The following BMPR1B variants were observed in gnomAD, a reference collection of about 807,000 sequenced individuals.
BMPR1B encodes the protein bone morphogenetic protein receptor type-1B.
A neutral mutation model predicts 59.1 loss-of-function variants in BMPR1B; 12 were observed. That is an observed-to-expected ratio of 0.20 (90% CI 0.13 to 0.33). BMPR1B has a LOEUF of 0.33. Among genes scored for constraint, BMPR1B ranks in the 10% least tolerant of loss-of-function variants. The pLI, the probability that BMPR1B is intolerant of heterozygous loss-of-function variation, is 1.00. For synonymous variants in BMPR1B, 237 were observed against 207.3 expected (o/e 1.14, Z -1.23); for missense variants, 550 against 610.9 (o/e 0.90, Z 1.05).
At chr4:95,126,501 C>G (rs932057829) in intron 8 of BMPR1B, among the ~76,000 whole-genome samples, 3 of 152,122 alleles carry the variant, frequency 2.0e-5, no homozygotes, top group African/African-American at 7.2e-5. Flanking sequence ...CATAGCAACC[C>G]TATAAGGTAG....
rs1430593586 is a variant in BMPR1B at position 95,071,648 on chromosome 4, G to GCATATATA, written c.-17-32760_-17-32759insCATATATA. ...TATGTGTGTTTGTGTGTGTGTGTGT[G>GCATATATA]TGTGTATATATATATATATATATAT... On this transcript the variant is annotated intron_variant, in intron 3 of 12. Coordinates refer to ENST00000515059, the MANE Select transcript of BMPR1B (RefSeq NM_001203.3). Among the ~76,000 whole-genome samples the GCATATATA allele has an allele frequency of 3.3e-3, 348 of 104,746 alleles. 4 individuals carry two copies. Among genetic ancestry groups the GCATATATA allele is most frequent in the African/African-American group, 0.013 (316 of 25,146 alleles). 68.7% of individuals were successfully genotyped at this position (104,746 alleles called of 152,430 possible). A position where few individuals can be genotyped will look rare whatever the true frequency, so the allele number is the denominator to read the frequency against.
At chr4:94,817,495 C>T (rs1724053813) in intron 1 of BMPR1B, among the ~76,000 whole-genome samples, 1 of 151,920 alleles carries the variant, frequency 6.6e-6, no homozygotes, top group South Asian at 2.1e-4. Context: ...TGGCCTTTGG[C>T]GTATTAGCCT....
At chr4:94,906,818 A>G (rs1383658446) in intron 2 of BMPR1B, among the ~76,000 whole-genome samples, 1 of 152,108 alleles carries the variant, frequency 6.6e-6, no homozygotes, top group Admixed American at 6.6e-5. Flanking sequence ...TATAGTTTTT[A>G]TAATTAGCTT....
rs563503485 is a variant in BMPR1B, at chr4:94,945,891, G to T, written c.-112-50149G>T. On this transcript the variant is annotated intron_variant, in intron 2 of 12. Transcript: ENST00000515059. ...CATACTTTTTTAAAAAATTAATACT[G>T]TGATGTGCAGAACAAACTATATACC... Among the ~76,000 whole-genome samples, 821 of 152,084 alleles carry T rather than the reference G, an allele frequency of 5.4e-3. 8 individuals carry two copies. Among genetic ancestry groups the T allele is most frequent in the African/African-American group, 0.019 (782 of 41,490 alleles).
chr4:95,068,812 G>T (rs918207085), intron 3 of BMPR1B, among the ~76,000 whole-genome samples: 5 of 152,252 alleles, frequency 3.3e-5, no homozygotes, highest in Admixed American at 1.3e-4. Flanking sequence ...CTCTATGCAA[G>T]CAGTTGTCTT....
intron 3 of BMPR1B, among the ~76,000 whole-genome samples, chr4:95,020,368 A>C (rs113848332): frequency 0.066 from 10,090 of 152,234 alleles, 379 homozygotes; most frequent in African/African-American, 0.1. Flanking sequence ...TCACGAGGTC[A>C]AAAGATCGAG....
intron 3 of BMPR1B, among the ~76,000 whole-genome samples, chr4:95,103,132 T>C (rs1730946290): frequency 6.6e-6 from 1 of 152,130 alleles, no homozygotes; most frequent in African/African-American, 2.4e-5. Flanking sequence ...AATTCTGATA[T>C]ATTGACAACA....
intron 1 of BMPR1B, among the ~76,000 whole-genome samples, chr4:94,776,585 T>C (rs1382676165): frequency 2.6e-5 from 4 of 152,220 alleles, no homozygotes; most frequent in African/African-American, 4.8e-5. Flanking sequence ...TGCGTTTTAG[T>C]TGTGGTAAGG....
At chr4:94,925,265 CCTTT>C (rs1350755536) in intron 2 of BMPR1B, among the ~76,000 whole-genome samples, 1 of 152,016 alleles carries the variant, frequency 6.6e-6, no homozygotes, top group African/African-American at 2.4e-5. Flanking sequence ...TGACCTCTCT[CCTTT>C]CTTCACTCTA....
intron 2 of BMPR1B, among the ~76,000 whole-genome samples, chr4:94,965,395 T>G (rs1040725658): frequency 1.3e-5 from 2 of 152,052 alleles, no homozygotes; most frequent in African/African-American, 2.4e-5. Flanking sequence ...CCACCAAACT[T>G]AACTCTTTTT....
chr4:95,156,544 G>A lies in BMPR1B; in HGVS notation c.*1871G>A, dbSNP rs1735434426. On this transcript the variant is annotated 3_prime_UTR_variant, in exon 13 of 13. Transcript: ENST00000515059. ...TGAGACTTTGTGAGCTGTGCTTACA[G>A]TTTGGGAGAATCATGAAGATTCTTT... 1 of 151,988 alleles carries A rather than the reference G, an allele frequency of 6.6e-6. No homozygotes were observed. The highest frequency in any genetic ancestry group is 2.1e-4 in the South Asian group (1 of 4,820). The allele number at this position is 151,988 out of a possible 1,614,324, so 9.4% of individuals were successfully genotyped here.
At chr4:95,000,542 A>G (rs1159228766) in intron 3 of BMPR1B, among the ~76,000 whole-genome samples, 1 of 152,108 alleles carries the variant, frequency 6.6e-6, no homozygotes, top group East Asian at 1.9e-4. Flanking sequence ...AAAGAGAGAA[A>G]GAAAGAAGTG....
rs538396400 is a variant in BMPR1B at position 94,782,255 on chromosome 4, G to A, written c.-183+24187G>A. ...TGTTTGTTTATTCCTTCTTCTGTCA[G>A]TTGAAAGATACAGATACTTCCTTCT... On this transcript the variant is annotated intron_variant, in intron 1 of 12. Transcript: ENST00000515059. 6.6e-5 allele frequency among the ~76,000 whole-genome samples: 10 copies of A among 151,900 alleles called. No homozygotes were observed. The South Asian group carries it at 2.1e-3, about 32-fold the overall frequency.
At chr4:95,062,728 T>G (rs1727492009) in intron 3 of BMPR1B, among the ~76,000 whole-genome samples, 1 of 152,206 alleles carries the variant, frequency 6.6e-6, no homozygotes, top group African/African-American at 2.4e-5. Context: ...TCACTTGTAC[T>G]TGGATCCTCT....
In BMPR1B at chr4:95,030,141, T is replaced by C. The variant is rs535909838; in HGVS notation, c.-18+34007T>C. ...TTTAATGAGATCCCATTTGTCAATT[T>C]TGGCTTTTGTTGCCATTGCTTTTGG... On this transcript the variant is annotated intron_variant, in intron 3 of 12. Transcript: ENST00000515059. 4.0e-3 allele frequency among the ~76,000 whole-genome samples: 611 copies of C among 152,042 alleles called. 3 individuals are homozygous for C. The highest frequency in any genetic ancestry group is 0.014 in the African/African-American group (567 of 41,516).
intron 1 of BMPR1B, among the ~76,000 whole-genome samples, chr4:94,846,729 ATATC>A (rs1725349891): frequency 6.6e-6 from 1 of 151,600 alleles, no homozygotes; most frequent in African/African-American, 2.4e-5. Flanking sequence ...CTATATATCT[ATATC>A]TATATATCCA....
chr4:94,769,377 G>A (rs1006097849), intron 1 of BMPR1B, among the ~76,000 whole-genome samples: 3 of 152,280 alleles, frequency 2.0e-5, no homozygotes, highest in Non-Finnish European at 2.9e-5. Context: ...TTGGGAGGCC[G>A]AGGTGGGTGG....
chr4:95,157,173 A>G lies in BMPR1B; in HGVS notation c.*2500A>G, dbSNP rs1454071784. ...CTTATTATATTTGGTTGCTTTGGAA[A>G]AGATTGGTCCTATCCTCAATCTAAT... On this transcript the variant is annotated 3_prime_UTR_variant, in exon 13 of 13. Transcript: ENST00000515059. The G allele has an allele frequency of 2.6e-5, 4 of 152,146 alleles. No homozygotes were observed. Among genetic ancestry groups the G allele is most frequent in the Non-Finnish European group, 4.4e-5 (3 of 67,998 alleles). 9.4% of individuals were successfully genotyped at this position (152,146 alleles called of 1,614,324 possible).
intron 1 of BMPR1B, among the ~76,000 whole-genome samples, chr4:94,758,932 C>T (rs1721646343): frequency 6.6e-6 from 1 of 152,102 alleles, no homozygotes; most frequent in African/African-American, 2.4e-5. Flanking sequence ...TGGTCTCTCT[C>T]TCTCTCTCAA....
Sources: gnomAD v4.1 joint callset for allele counts (sites outside exome capture counted in the v4.1 genomes callset) on GRCh38, gnomAD v4.1.1 for gene constraint, MANE v1.5 for transcripts, NCBI Gene and HGNC (gene_info 2026-07-23, HGNC 2026-07-21) for gene names.